INF2: variants seen among roughly 807,000 people sequenced by gnomAD.
INF2 encodes the protein inverted formin 2.
A neutral mutation model predicts 123.5 loss-of-function variants in INF2; 43 were observed. The ratio of observed to expected loss-of-function variants is 0.35; its 90% CI spans 0.27 to 0.45. The LOEUF (loss-of-function observed/expected upper bound fraction) is 0.45, where lower values mean the gene tolerates loss of function less well. INF2 is among the 20% of genes least tolerant of loss of function. The probability of loss-of-function intolerance (pLI) is 1.00; values close to 1 mark genes in which losing one functional copy is unlikely to be tolerated. For missense variants in INF2, 1,453 were observed against 1,682.7 expected (o/e 0.86, Z 2.39); for synonymous variants, 851 against 745.0 (o/e 1.14, Z -2.32).
At chr14:104,703,543 G>A (rs887832496) in intron 4 of INF2, 89 bp downstream of exon 4, 25 of 1,537,052 alleles carry the variant, frequency 1.6e-5, no homozygotes, top group African/African-American at 1.2e-4. Flanking sequence ...AGGTGGGAGC[G>A]CCACAAAAGC....
rs367924307 is a variant in INF2, at chr14:104,703,904, G to A, written c.668-12G>A. ...GCCTCCGAACCCTCTGACCCTGTCC[G>A]TCCCTTCCCAGGGCTGCAGCTGCTG... On this transcript the variant is annotated splice_polypyrimidine_tract_variant and intron_variant, in intron 4 of 22. Coordinates refer to ENST00000392634, the MANE Select transcript of INF2 (RefSeq NM_022489.4). 3.1e-4 allele frequency: 498 copies of A among 1,610,930 alleles called. No individual in the cohort carries two copies. The highest frequency in any genetic ancestry group is 4.0e-4 in the Non-Finnish European group (473 of 1,179,918).
In INF2 at chr14:104,684,398, C is replaced by A; in HGVS notation, c.-104+2816C>A. The A allele has an allele frequency of 3.7e-6, 1 of 272,938 alleles. No homozygotes were observed. The highest frequency in any genetic ancestry group is 7.3e-6 in the Non-Finnish European group (1 of 137,480). 16.9% of individuals were successfully genotyped at this position (272,938 alleles called of 1,614,324 possible). On this transcript the variant is annotated intron_variant, in intron 1 of 2. Coordinates refer to the INF2 transcript ENST00000674723. The surrounding 1 kb of genome is among the most constrained non-coding windows in gnomAD (Gnocchi z 5.0). ...GCTTTCAGCGGATAGGTTTGTGCAA[C>A]GAAATATTTCATAGAAATCAAGAAA...
At chr14:104,696,615 C>T (rs1454606681) in intron 1 of INF2, among the ~76,000 whole-genome samples, 2 of 152,156 alleles carry the variant, frequency 1.3e-5, no homozygotes, top group African/African-American at 2.4e-5. Context: ...GCAGGTTCAG[C>T]TCCAGGTGCC....
At chr14:104,701,782 C>T (rs1889518447) in intron 2 of INF2, 26 bp downstream of exon 2, 1 of 1,462,998 alleles carries the variant, frequency 6.8e-7, no homozygotes, top group Non-Finnish European at 9.0e-7. Context: ...GGAGGGCCGC[C>T]CAGGCGGACG....
Position 104,699,752 on chromosome 14 carries a change from A to G in INF2, c.-9-1605A>G, listed in dbSNP as rs1889382807. Reference sequence around the variant, plus strand: ...GGCATCCCAAGGACAGCCTCTCAGGATGCTCCTGGCAGCCTGGTGCTGGAG... The same window carrying G: ...GGCATCCCAAGGACAGCCTCTCAGGGTGCTCCTGGCAGCCTGGTGCTGGAG... On this transcript the variant is annotated intron_variant, in intron 1 of 22. Coordinates refer to ENST00000392634, the MANE Select transcript of INF2 (RefSeq NM_022489.4). This position sits in a 1 kb window ranked among gnomAD's most constrained non-coding sequence, Gnocchi z 4.7. Among the ~76,000 whole-genome samples, 1 of 152,128 alleles carries G rather than the reference A, an allele frequency of 6.6e-6. No homozygotes were observed. The highest frequency in any genetic ancestry group is 1.5e-5 in the Non-Finnish European group (1 of 68,014).
At chr14:104,683,635 C>A (rs868561300) in intron 1 of INF2, among the ~76,000 whole-genome samples, 1 of 142,118 alleles carries the variant, frequency 7.0e-6, no homozygotes, top group African/African-American at 2.6e-5. Flanking sequence ...CAGACACACA[C>A]ACACACACAC....
intron 1 of INF2, among the ~76,000 whole-genome samples, chr14:104,698,470 T>C (rs1464166259): frequency 6.6e-6 from 1 of 152,194 alleles, no homozygotes; most frequent in Non-Finnish European, 1.5e-5. Context: ...ATATGGATAA[T>C]TCACTCTATA....
intron 21 of INF2, 21 bp downstream of exon 21, chr14:104,714,877 G>A (rs775044428): frequency 1.1e-5 from 16 of 1,522,580 alleles, no homozygotes; most frequent in East Asian, 2.4e-5. Flanking sequence ...GAGGGGCCCC[G>A]GGCACCGTCC....
At chr14:104,713,064 A>T in intron 18 of INF2, 72 bp downstream of exon 18, 1 of 1,608,266 alleles carries the variant, frequency 6.2e-7, no homozygotes, top group Non-Finnish European at 8.5e-7. Flanking sequence ...TTCCTCCGGC[A>T]GGATGGGCAG....
upstream of INF2, chr14:104,689,144 C>G: frequency 5.4e-6 from 5 of 923,948 alleles, no homozygotes; most frequent in Non-Finnish European, 6.5e-6. Flanking sequence ...GGCTCTCTCT[C>G]CCCAAAGCCT....
In INF2 at chr14:104,707,844, G is replaced by A. The variant is rs751942076; in HGVS notation, c.1577G>A (p.Cys526Tyr). The change falls in exon 8 of 23, where the codon TGC becomes TAC. Residue 526 changes from cysteine to tyrosine, a missense_variant. Cys to Tyr is a radical substitution (Grantham distance 194). Transcript: ENST00000392634. Reference sequence around the variant, plus strand: ...CCACCTCCACTACTGCCCTGCACCTGCAGCCCCCCCGTGGCGGGAGGCATG... The same window carrying A: ...CCACCTCCACTACTGCCCTGCACCTACAGCCCCCCCGTGGCGGGAGGCATG... ...PPPPPLLPCT[C>Y]SPPVAGGMEE... 1.9e-6 allele frequency: 3 copies of A among 1,601,252 alleles called. No individual in the cohort carries two copies. The highest frequency in any genetic ancestry group is 4.5e-5 in the East Asian group (2 of 44,600).
chr14:104,707,339 A>G lies in INF2; in HGVS notation c.1072A>G (p.Lys358Glu). The G allele has an allele frequency of 6.2e-7, 1 of 1,601,032 alleles. No individual in the cohort carries two copies. The highest frequency in any genetic ancestry group is 8.5e-7 in the Non-Finnish European group (1 of 1,174,742). The change falls in exon 8 of 23, where the codon AAA becomes GAA. Residue 358 changes from lysine to glutamate, a missense_variant. Around this residue, in one of 8 missense-constraint regions of INF2, gnomAD observed 374 missense variants for 303.7 expected, o/e 1.23. Coordinates refer to ENST00000392634, the MANE Select transcript of INF2 (RefSeq NM_022489.4). The stretch of plus-strand genomic sequence containing the variant: ...ACCGAGCCCCCTGGTCAAGGCCCAT[A>G]AAAGCGTCCAGGCCAACCTAGACCA... ...PRPSPLVKAH[K>E]SVQANLDQSQ...
chr14:104,712,734 C>G, intron 17 of INF2, 94 bp from the exon 18 acceptor site: 4 of 1,484,450 alleles, frequency 2.7e-6, no homozygotes, highest in Non-Finnish European at 3.6e-6. Flanking sequence ...CAGGGCCTGT[C>G]CCTGTGGCCG....
At position 104,715,354 on chromosome 14, in the gene INF2, C is replaced by T. The variant is rs368380906; in HGVS notation, c.*1+14C>T. 124 of 1,612,164 alleles carry T rather than the reference C, an allele frequency of 7.7e-5. 2 individuals are homozygous for T. Among genetic ancestry groups the T allele is most frequent in the East Asian group, 7.6e-4 (34 of 44,876 alleles). On this transcript the variant is annotated intron_variant, in intron 22 of 22. Coordinates refer to ENST00000392634, the MANE Select transcript of INF2 (RefSeq NM_022489.4). ...TGATCCAGTAAGGTATGTACGCAGC[C>T]GGCGCTCCGTGGGGGCTAACAGCAG... is the stretch of plus-strand genomic sequence containing the variant.
intron 1 of INF2, among the ~76,000 whole-genome samples, chr14:104,698,446 C>T (rs192159066): frequency 1.2e-3 from 177 of 152,340 alleles, no homozygotes; most frequent in African/African-American, 3.7e-3. Flanking sequence ...AGTGGGAAGC[C>T]TCATGGTTTT....
rs1336541910 is a variant in INF2 at position 104,711,586 on chromosome 14, G to A, written c.2419-43G>A. On this transcript the variant is annotated intron_variant, in intron 15 of 22. Transcript: ENST00000392634. Reference sequence around the variant, plus strand: ...GGGAACAGGGTCATCCCCAGGTGGAGAGTATGACCACAGTGGATCTCACTG... The same window carrying A: ...GGGAACAGGGTCATCCCCAGGTGGAAAGTATGACCACAGTGGATCTCACTG... The A allele has an allele frequency of 5.1e-6, 8 of 1,565,612 alleles. No homozygotes were observed. The East Asian group carries it at 9.0e-5, about 18-fold the overall frequency.
chr14:104,710,644 A>AT (rs1890009046), intron 13 of INF2: 7 of 542,462 alleles, frequency 1.3e-5, no homozygotes, highest in Non-Finnish European at 1.7e-5. Flanking sequence ...CACGGGCACC[A>AT]TCTCTGAAAG....
chr14:104,708,554 GGT>G lies in INF2; in HGVS notation c.1856_1857del (p.Val619GlyfsTer30). 6.2e-7 allele frequency: 1 copy of G among 1,612,524 alleles called. No homozygotes were observed. Among genetic ancestry groups the G allele is most frequent in the Non-Finnish European group, 8.5e-7 (1 of 1,179,822 alleles). On this transcript the variant is annotated frameshift_variant, in exon 9 of 23. Transcript: ENST00000392634. LOFTEE classifies it high-confidence loss of function. ...PAAKPKEPTM[V>X]APRARKEPKE... is the part of the protein sequence containing the mutation. ...CAGCCAAGCCCAAGGAGCCCACCAT[GGT>G]GGCCCCCCGGGCCAGGAAGGAGCCC... is the stretch of plus-strand genomic sequence containing the variant.
chr14:104,685,652 G>A (rs1595146335), upstream of INF2, among the ~76,000 whole-genome samples: 1 of 150,218 alleles, frequency 6.7e-6, no homozygotes, highest in East Asian at 2.0e-4. Flanking sequence ...GGGTGGATGA[G>A]TGGATGATGG....
Sources: gnomAD v4.1 joint callset for allele counts (sites outside exome capture counted in the v4.1 genomes callset) on GRCh38, gnomAD v4.1.1 for gene constraint, gnomAD v4.1.1 regional missense constraint, Gnocchi (gnomAD v3.1) non-coding constraint, MANE v1.5 for transcripts, NCBI Gene and HGNC (gene_info 2026-07-23, HGNC 2026-07-21) for gene names.